Variants in TRMT9B observed in about 807,000 individuals in gnomAD.
The protein encoded by TRMT9B is probable tRNA methyltransferase 9B.
TRMT9B carries 16 observed loss-of-function variants against 11.5 expected under a neutral mutation model. That is an observed-to-expected ratio of 1.39 (90% CI 0.94 to 2.11). The LOEUF (loss-of-function observed/expected upper bound fraction) is 2.11, where lower values mean the gene tolerates loss of function less well. Ranked by LOEUF, TRMT9B falls within the 30% of genes most tolerant of loss-of-function variation. The pLI, the probability that TRMT9B is intolerant of heterozygous loss-of-function variation, is 0.00. For missense variants in TRMT9B, 941 were observed against 553.8 expected (o/e 1.70, Z -7.02); for synonymous variants, 274 against 192.4 (o/e 1.42, Z -3.51).
chr8:12,999,321 GA>G (rs554434283), intron 2 of TRMT9B, among the ~76,000 whole-genome samples: 8,770 of 127,002 alleles, frequency 0.069, 340 homozygotes, highest in African/African-American at 0.12. Flanking sequence ...AAAAAGAAAA[GA>G]AAAAAAAAAA....
intron 4 of TRMT9B, among the ~76,000 whole-genome samples, chr8:13,016,170 A>ATAT (rs1812625187): frequency 7.7e-6 from 1 of 129,998 alleles, no homozygotes; most frequent in Non-Finnish European, 1.6e-5. Flanking sequence ...CATATATATA[A>ATAT]ACATATATAA....
In TRMT9B at chr8:13,022,283, C is replaced by T. The variant is rs1425165227; in HGVS notation, c.*239C>T. 1.4e-5 allele frequency: 6 copies of T among 432,146 alleles called. No homozygotes were observed. Among genetic ancestry groups the T allele is most frequent in the Non-Finnish European group, 2.5e-5 (6 of 237,380 alleles). 26.8% of individuals were successfully genotyped at this position (432,146 alleles called of 1,614,324 possible). A position where few individuals can be genotyped will look rare whatever the true frequency, so the allele number is the denominator to read the frequency against. ...TGTTAATATACAAGATCTGAAGAAG[C>T]AACAGAAAGTACCCTTCAGTACACC... On this transcript the variant is annotated 3_prime_UTR_variant, in exon 5 of 5. Coordinates refer to ENST00000524591, the MANE Select transcript of TRMT9B (RefSeq NM_020844.3).
At chr8:13,001,738 CAT>C (rs148125288) in intron 2 of TRMT9B, among the ~76,000 whole-genome samples, 31,891 of 152,074 alleles carry the variant, frequency 0.21, 4,024 homozygotes, top group East Asian at 0.42. Context: ...TTTCAAAACT[CAT>C]AGTGTGCTGG....
chr8:13,012,199 C>T (rs1373604951), intron 3 of TRMT9B: 2 of 984,954 alleles, frequency 2.0e-6, no homozygotes, highest in Admixed American at 6.2e-5. Context: ...ATATGAGAAT[C>T]TGTAAGTATT....
At chr8:13,020,305 G>C (rs1813577719) in intron 4 of TRMT9B, among the ~76,000 whole-genome samples, 1 of 152,160 alleles carries the variant, frequency 6.6e-6, no homozygotes, top group Admixed American at 6.5e-5. Context: ...TAACAGACTA[G>C]CACTTTTATT....
intron 4 of TRMT9B, among the ~76,000 whole-genome samples, chr8:13,016,058 C>G (rs1812591618): frequency 6.7e-6 from 1 of 149,042 alleles, no homozygotes; most frequent in Non-Finnish European, 1.5e-5. Flanking sequence ...CCAGCCTGGG[C>G]AACCTAAAGA....
chr8:13,025,151 T>TA lies in TRMT9B; in HGVS notation c.*3108dup, dbSNP rs1306107744. The TA allele has an allele frequency of 6.0e-6, 1 of 167,050 alleles. No homozygotes were observed. The highest frequency in any genetic ancestry group is 1.5e-5 in the Non-Finnish European group (1 of 68,116). 10.3% of individuals were successfully genotyped at this position (167,050 alleles called of 1,614,324 possible). On this transcript the variant is annotated 3_prime_UTR_variant, in exon 5 of 5. Transcript: ENST00000524591. ...TCTTTCTTATTCCTTCTTCTTTACT[T>TA]ACTGGCATCAGCACAGAGTCCCACT... is the stretch of plus-strand genomic sequence containing the variant.
intron 2 of TRMT9B, among the ~76,000 whole-genome samples, chr8:13,005,299 C>T (rs142233389): frequency 7.4e-4 from 113 of 151,826 alleles, no homozygotes; most frequent in African/African-American, 2.4e-3. Context: ...CAAAGCGTAG[C>T]GGGGAGGTGG....
chr8:12,947,624 G>C (rs557787670), intron 1 of TRMT9B, among the ~76,000 whole-genome samples: 30 of 152,330 alleles, frequency 2.0e-4, no homozygotes, highest in African/African-American at 5.8e-4. Context: ...TGTGCATTGA[G>C]TTCTAAGTGC....
At chr8:12,992,235 A>T (rs537396543) in intron 2 of TRMT9B, among the ~76,000 whole-genome samples, 8 of 152,342 alleles carry the variant, frequency 5.3e-5, no homozygotes, top group African/African-American at 1.9e-4. Context: ...ATATAAAAAC[A>T]TCACATTTCC....
intron 1 of TRMT9B, among the ~76,000 whole-genome samples, chr8:12,949,841 C>T (rs887508509): frequency 2.0e-5 from 3 of 151,938 alleles, no homozygotes; most frequent in African/African-American, 7.3e-5. Flanking sequence ...ACTTCCACTC[C>T]CTAGTTAATT....
At chr8:12,971,638 A>C (rs1803643564) in intron 1 of TRMT9B, among the ~76,000 whole-genome samples, 1 of 152,152 alleles carries the variant, frequency 6.6e-6, no homozygotes, top group Admixed American at 6.6e-5. Context: ...AGATGGAGAA[A>C]CAGTACTGAC....
At chr8:12,996,305 A>T (rs991305667) in intron 2 of TRMT9B, among the ~76,000 whole-genome samples, 1 of 152,168 alleles carries the variant, frequency 6.6e-6, no homozygotes, top group Non-Finnish European at 1.5e-5. Context: ...CATCATACTG[A>T]TGAGTCACTT....
intron 1 of TRMT9B, among the ~76,000 whole-genome samples, chr8:12,947,343 A>G (rs1021170433): frequency 2.6e-5 from 4 of 152,200 alleles, no homozygotes; most frequent in African/African-American, 7.2e-5. Flanking sequence ...TTATGCATCA[A>G]GATGTTATCA....
intron 3 of TRMT9B, chr8:13,011,904 A>G (rs1176053616): frequency 2.0e-6 from 2 of 985,040 alleles, no homozygotes; most frequent in African/African-American, 1.7e-5. Flanking sequence ...GTTTTAGTGT[A>G]TAAATAATAG....
chr8:12,965,872 G>T (rs547422321), intron 1 of TRMT9B, among the ~76,000 whole-genome samples: 86 of 151,510 alleles, frequency 5.7e-4, no homozygotes, highest in African/African-American at 2.0e-3. Context: ...AATCAGCCGG[G>T]TGTGGTGGCG....
rs142887364 is a variant in TRMT9B, at chr8:13,018,994, A to G, written c.329-2014A>G. ...TAGAGTTGAAATAAGAAGAAAGAAC[A>G]TTACTTTGTTTCATCTCAGCTGGGA... is the stretch of plus-strand genomic sequence containing the variant. On this transcript the variant is annotated intron_variant, in intron 4 of 4. Transcript: ENST00000524591. 3.7e-3 allele frequency among the ~76,000 whole-genome samples: 570 copies of G among 152,284 alleles called. 4 individuals are homozygous for G. The highest frequency in any genetic ancestry group is 7.3e-3 in the Admixed American group (111 of 15,296).
chr8:13,021,507 T>C lies in TRMT9B; in HGVS notation c.828T>C (p.Val276=), dbSNP rs75377133. 6.2e-7 allele frequency: 1 copy of C among 1,613,498 alleles called. No individual in the cohort carries two copies. The highest frequency in any genetic ancestry group is 8.5e-7 in the Non-Finnish European group (1 of 1,179,634). Residue 276 remains valine, a synonymous_variant, in exon 5 of 5, where the codon GTT becomes GTC. Coordinates refer to ENST00000524591, the MANE Select transcript of TRMT9B (RefSeq NM_020844.3). The part of the protein sequence containing the change: ...ERVRPLKNTE[V]WASSTVTVQP... ...TAAGACCCTTGAAAAACACAGAAGT[T>C]TGGGCCAGTAGCACTGTAACAGTCC...
intron 2 of TRMT9B, among the ~76,000 whole-genome samples, chr8:13,002,527 A>T (rs1475815540): frequency 6.6e-6 from 1 of 152,214 alleles, no homozygotes; most frequent in Non-Finnish European, 1.5e-5. Flanking sequence ...CAGACCTCAC[A>T]AATTAGATTT....
Sources: allele counts gnomAD v4.1 joint callset (sites outside exome capture counted in the v4.1 genomes callset), GRCh38; gene constraint gnomAD v4.1.1; transcripts MANE v1.5; gene names NCBI Gene and HGNC (gene_info 2026-07-23, HGNC 2026-07-21).